IPCEF1: variants seen among roughly 807,000 people sequenced by gnomAD.
The protein encoded by IPCEF1 is interactor protein for cytohesin exchange factors 1.
In IPCEF1, 31 loss-of-function variants were observed where a neutral mutation model predicts 50.9. That is an observed-to-expected ratio of 0.61 (90% CI 0.46 to 0.82). The LOEUF is 0.82. IPCEF1 is among the 40% of genes least tolerant of loss of function. The pLI is 0.00. For synonymous variants in IPCEF1, 181 were observed against 192.0 expected (o/e 0.94, Z 0.47); for missense variants, 458 against 514.0 (o/e 0.89, Z 1.05).
At chr6:154,203,216 C>A (rs1777213852) in intron 9 of IPCEF1, among the ~76,000 whole-genome samples, 1 of 152,180 alleles carries the variant, frequency 6.6e-6, no homozygotes, top group South Asian at 2.1e-4. Flanking sequence ...AGTCTCTCCT[C>A]TCCGCCCCAC....
intron 10 of IPCEF1, among the ~76,000 whole-genome samples, chr6:154,186,796 T>C (rs914809731): frequency 6.6e-6 from 1 of 152,066 alleles, no homozygotes; most frequent in Non-Finnish European, 1.5e-5. Flanking sequence ...GACCTCGTGA[T>C]CCACCTGCCT....
At chr6:154,324,470 T>C (rs1464613870) in intron 1 of IPCEF1, among the ~76,000 whole-genome samples, 1 of 151,948 alleles carries the variant, frequency 6.6e-6, no homozygotes, top group African/African-American at 2.4e-5. Context: ...TCCAGATAAG[T>C]GTAGGATAAT....
intron 10 of IPCEF1, among the ~76,000 whole-genome samples, chr6:154,185,619 T>C (rs577977029): frequency 2.0e-5 from 3 of 152,228 alleles, no homozygotes; most frequent in Non-Finnish European, 4.4e-5. Context: ...ATATTTAGTA[T>C]CAAGTTCTAT....
chr6:154,199,961 T>C lies in IPCEF1; in HGVS notation c.617A>G (p.Lys206Arg). The C allele has an allele frequency of 6.2e-7, 1 of 1,614,204 alleles. No homozygotes were observed. Among genetic ancestry groups the C allele is most frequent in the Non-Finnish European group, 8.5e-7 (1 of 1,180,040 alleles). ...YSFSSLENTV[K>R]TPSSFPSSLS... is the part of the protein sequence containing the mutation. The stretch of plus-strand genomic sequence containing the variant: ...GGAGGAAGGAAAACTGCTGGGTGTC[T>C]TCACTGTATTTTCCAGGGAAGAGAA... The change falls in exon 10 of 12, where the codon AAG becomes AGG. Residue 206 changes from lysine to arginine, a missense_variant. By Grantham distance (26) the Lys-to-Arg change is conservative. Transcript: ENST00000367220.
intron 1 of IPCEF1, among the ~76,000 whole-genome samples, chr6:154,335,042 C>T (rs894350848): frequency 2.5e-4 from 38 of 151,968 alleles, no homozygotes; most frequent in African/African-American, 8.0e-4. Context: ...CTAAACAGAT[C>T]GTGTCACAAG....
chr6:154,329,118 A>T (rs912535423), intron 1 of IPCEF1, among the ~76,000 whole-genome samples: 1 of 152,210 alleles, frequency 6.6e-6, no homozygotes, highest in East Asian at 1.9e-4. Context: ...TTTAAATTAC[A>T]TTTTAAAAAT....
intron 10 of IPCEF1, among the ~76,000 whole-genome samples, chr6:154,180,414 A>ATATATATATATATTT (rs1241250621): frequency 1.5e-5 from 1 of 65,268 alleles, no homozygotes; most frequent in African/African-American, 4.8e-5. Flanking sequence ...ATATATATAT[A>ATATATATATATATTT]TTTTTTTTTT....
Position 154,223,197 on chromosome 6 carries a change from T to C in IPCEF1, c.293A>G (p.Glu98Gly). ...CTTTTTCTTGCATTCAGATGCTCTT[T>C]CCACAGTGAAATCAGGCAGGTTGAC... ...GFVNLPDFTVERASECKKKHA... is the reference protein window; with the variant it reads ...GFVNLPDFTVGRASECKKKHA... Residue 98 changes from glutamate to glycine, a missense_variant, in exon 6 of 12, where the codon GAA (glutamate) becomes GGA (glycine). By Grantham distance (98) the Glu-to-Gly change is moderately conservative. Coordinates refer to ENST00000367220, the MANE Select transcript of IPCEF1 (RefSeq NM_001130700.2). 6.2e-7 allele frequency: 1 copy of C among 1,613,890 alleles called. No homozygotes were observed. Among genetic ancestry groups the C allele is most frequent in the Non-Finnish European group, 8.5e-7 (1 of 1,179,974 alleles).
chr6:154,280,167 A>G (rs1015565365), intron 2 of IPCEF1, among the ~76,000 whole-genome samples: 1 of 152,258 alleles, frequency 6.6e-6, no homozygotes, highest in East Asian at 1.9e-4. Flanking sequence ...TGCATAGTCT[A>G]TGCCCACAAC....
At chr6:154,235,756 A>G (rs540275985) in intron 5 of IPCEF1, among the ~76,000 whole-genome samples, 1 of 152,310 alleles carries the variant, frequency 6.6e-6, no homozygotes, top group Non-Finnish European at 1.5e-5. Flanking sequence ...ATTTCTCCCA[A>G]GAAGATATGG....
intron 10 of IPCEF1, among the ~76,000 whole-genome samples, chr6:154,192,132 G>A (rs2012047): frequency 0.67 from 101,846 of 152,122 alleles, 34,685 homozygotes; most frequent in East Asian, 0.89. Flanking sequence ...ACACCTGGAA[G>A]TGGAACTGCT....
At chr6:154,198,690 G>A (rs965698687) in intron 10 of IPCEF1, among the ~76,000 whole-genome samples, 2 of 151,220 alleles carry the variant, frequency 1.3e-5, no homozygotes, top group Non-Finnish European at 2.9e-5. Flanking sequence ...GTGATCCTTG[G>A]GCAAATTACG....
At chr6:154,330,451 C>G (rs1344055186) in intron 1 of IPCEF1, among the ~76,000 whole-genome samples, 1 of 151,342 alleles carries the variant, frequency 6.6e-6, no homozygotes, top group Non-Finnish European at 1.5e-5. Context: ...ATTCTCCCAC[C>G]TCGGTCCCCC....
At chr6:154,261,347 A>G (rs1781595709) in intron 3 of IPCEF1, among the ~76,000 whole-genome samples, 1 of 152,198 alleles carries the variant, frequency 6.6e-6, no homozygotes, top group African/African-American at 2.4e-5. Context: ...AAGTTTATCC[A>G]AAGGACAATG....
chr6:154,241,389 A>G (rs563645254), intron 5 of IPCEF1, among the ~76,000 whole-genome samples: 1 of 152,294 alleles, frequency 6.6e-6, no homozygotes, highest in Admixed American at 6.5e-5. Context: ...CAAGTATCTA[A>G]TAATTTTATA....
At chr6:154,321,394 T>C (rs1038040852) in intron 1 of IPCEF1, among the ~76,000 whole-genome samples, 7 of 152,046 alleles carry the variant, frequency 4.6e-5, no homozygotes, top group Non-Finnish European at 1.0e-4. Flanking sequence ...CATGAACTTA[T>C]ATACTAGATA....
chr6:154,213,655 G>A (rs556961064), intron 8 of IPCEF1, among the ~76,000 whole-genome samples: 4 of 152,238 alleles, frequency 2.6e-5, no homozygotes, highest in South Asian at 4.2e-4. Context: ...CAGTGGCCCT[G>A]GCAGCTAAAT....
intron 1 of IPCEF1, among the ~76,000 whole-genome samples, chr6:154,355,603 C>T (rs955892318): frequency 3.3e-5 from 5 of 151,928 alleles, no homozygotes; most frequent in Non-Finnish European, 5.9e-5. Flanking sequence ...ATTCTCCTGC[C>T]TCAGCTTCCC....
intron 1 of IPCEF1, among the ~76,000 whole-genome samples, chr6:154,356,191 C>G (rs922595866): frequency 2.6e-5 from 4 of 152,184 alleles, no homozygotes; most frequent in Non-Finnish European, 5.9e-5. Flanking sequence ...CAACACCTAG[C>G]TTTCATTTTT....
Sources: gnomAD v4.1 joint callset for allele counts (sites outside exome capture counted in the v4.1 genomes callset) on GRCh38, gnomAD v4.1.1 for gene constraint, MANE v1.5 for transcripts, NCBI Gene and HGNC (gene_info 2026-07-23, HGNC 2026-07-21) for gene names.